Variants in DLG2 observed in about 807,000 individuals in gnomAD.
DLG2 encodes the protein discs large MAGUK scaffold protein 2.
In DLG2, 45 loss-of-function variants were observed where a neutral mutation model predicts 132.5. That is an observed-to-expected ratio of 0.34 (90% CI 0.27 to 0.44). The LOEUF is 0.44. Ranked by LOEUF, DLG2 falls within the 20% of genes least tolerant of loss-of-function variation. The pLI is 1.00. For synonymous variants in DLG2, 424 were observed against 419.6 expected, an observed-to-expected ratio of 1.01 and a Z score of -0.13; for missense variants, 1,045 against 1,196.9, an observed-to-expected ratio of 0.87 and a Z score of 1.87.
At chr11:83,721,255 C>G (rs761212708) in intron 18 of DLG2, among the ~76,000 whole-genome samples, 38 of 152,142 alleles carry the variant, frequency 2.5e-4, no homozygotes, top group Admixed American at 4.6e-4. Flanking sequence ...TTTAACAGAC[C>G]CTTACTATTG....
Position 84,385,847 on chromosome 11 carries a change from G to C in DLG2, c.520-134556C>G, listed in dbSNP as rs1422504813. Among the ~76,000 whole-genome samples, 3 of 152,062 alleles carry C rather than the reference G, an allele frequency of 2.0e-5. 1 individual carries two copies. Among genetic ancestry groups the C allele is most frequent in the East Asian group, 1.9e-4 (1 of 5,194 alleles). On this transcript the variant is annotated intron_variant, in intron 7 of 27. Transcript: ENST00000376104. ...GAGACCTGTATGCACGCATAATTTTGTGTTTCCTATTTAGAAGGGAAATTG... is the reference window on the plus strand; with the variant it reads ...GAGACCTGTATGCACGCATAATTTTCTGTTTCCTATTTAGAAGGGAAATTG...
chr11:84,600,793 C>T (rs117291908), intron 6 of DLG2, among the ~76,000 whole-genome samples: 18 of 151,684 alleles, frequency 1.2e-4, no homozygotes, highest in East Asian at 1.9e-4. Context: ...AAGAAATCTG[C>T]GAAATGAAAC....
chr11:83,831,020 T>C (rs955915441), intron 17 of DLG2, among the ~76,000 whole-genome samples: 1 of 152,240 alleles, frequency 6.6e-6, no homozygotes, highest in African/African-American at 2.4e-5. Flanking sequence ...CTTCAGGCTA[T>C]AGTGACTTCT....
At chr11:84,694,148 T>C (rs1211610722) in intron 6 of DLG2, among the ~76,000 whole-genome samples, 1 of 151,546 alleles carries the variant, frequency 6.6e-6, no homozygotes, top group Non-Finnish European at 1.5e-5. Flanking sequence ...GGAAGAAAAT[T>C]AGCAGGTGGA....
chr11:83,710,088 G>A (rs1446649680), intron 18 of DLG2, among the ~76,000 whole-genome samples: 2 of 152,016 alleles, frequency 1.3e-5, no homozygotes, highest in African/African-American at 4.8e-5. Context: ...AATATGAGGT[G>A]GGTACACTGT....
intron 15 of DLG2, among the ~76,000 whole-genome samples, chr11:83,925,597 C>A (rs1239655132): frequency 6.6e-6 from 1 of 151,798 alleles, no homozygotes; most frequent in Non-Finnish European, 1.5e-5. Flanking sequence ...TAGTTGAAGT[C>A]CCATGAATAT....
intron 6 of DLG2, among the ~76,000 whole-genome samples, chr11:84,665,180 GTA>G: frequency 6.6e-6 from 1 of 152,198 alleles, no homozygotes; most frequent in East Asian, 1.9e-4. Context: ...GAAATTTTAA[GTA>G]TGTTTGTTAT....
chr11:83,929,234 A>G (rs750477689), intron 15 of DLG2, among the ~76,000 whole-genome samples: 1 of 152,236 alleles, frequency 6.6e-6, no homozygotes, highest in Non-Finnish European at 1.5e-5. Context: ...ATCAAAAAAT[A>G]AAGATGATAT....
chr11:83,826,417 A>G (rs772597681), intron 17 of DLG2, among the ~76,000 whole-genome samples: 42 of 152,190 alleles, frequency 2.8e-4, no homozygotes, highest in Non-Finnish European at 4.6e-4. Flanking sequence ...GCTGTGCAGG[A>G]AGAAAGATCC....
intron 4 of DLG2, among the ~76,000 whole-genome samples, chr11:85,164,486 C>T (rs2078279567): frequency 6.6e-6 from 1 of 152,132 alleles, no homozygotes; most frequent in African/African-American, 2.4e-5. Flanking sequence ...TCCACCGTTA[C>T]TTCATCCCCT....
chr11:84,363,584 C>A (rs1022797455), intron 7 of DLG2, among the ~76,000 whole-genome samples: 35 of 151,394 alleles, frequency 2.3e-4, no homozygotes, highest in African/African-American at 8.0e-4. Flanking sequence ...AAGTCCTTGC[C>A]CATGCCTATG....
intron 8 of DLG2, among the ~76,000 whole-genome samples, chr11:84,206,220 G>A (rs763340656): frequency 7.2e-5 from 11 of 151,972 alleles, no homozygotes; most frequent in Admixed American, 5.9e-4. Flanking sequence ...GTCCTGAATC[G>A]TCCTGCATCT....
chr11:85,171,037 A>G (rs2078827973), intron 4 of DLG2, among the ~76,000 whole-genome samples: 1 of 152,238 alleles, frequency 6.6e-6, no homozygotes, highest in African/African-American at 2.4e-5. Context: ...ACCAACCGGA[A>G]GACACCATAG....
intron 15 of DLG2, among the ~76,000 whole-genome samples, chr11:83,896,769 G>T (rs936281973): frequency 4.6e-5 from 7 of 152,164 alleles, no homozygotes; most frequent in African/African-American, 1.7e-4. Context: ...TATGGTGATG[G>T]ATGTAACACT....
At chr11:85,266,469 G>A (rs2077218725) in intron 4 of DLG2, among the ~76,000 whole-genome samples, 1 of 152,152 alleles carries the variant, frequency 6.6e-6, no homozygotes, top group Non-Finnish European at 1.5e-5. Flanking sequence ...GGGGATGGGG[G>A]ACTAGGGGAG....
intron 18 of DLG2, among the ~76,000 whole-genome samples, chr11:83,706,047 T>C (rs1379374835): frequency 6.6e-6 from 1 of 151,992 alleles, no homozygotes; most frequent in Non-Finnish European, 1.5e-5. Flanking sequence ...TGAAACCCCG[T>C]CTCTACTAAA....
chr11:83,531,850 C>T (rs2095753764), intron 21 of DLG2, among the ~76,000 whole-genome samples: 1 of 149,172 alleles, frequency 6.7e-6, no homozygotes, highest in South Asian at 2.1e-4. Context: ...TTCTACAACA[C>T]AAACACGTCT....
intron 6 of DLG2, among the ~76,000 whole-genome samples, chr11:84,806,356 A>G (rs1008909220): frequency 6.6e-6 from 1 of 152,206 alleles, no homozygotes; most frequent in Non-Finnish European, 1.5e-5. Context: ...GGATAAATGG[A>G]AAGAAATCTG....
chr11:85,520,954 G>A lies in DLG2; in HGVS notation c.40+77703C>T, dbSNP rs552505379. Among the ~76,000 whole-genome samples the A allele has an allele frequency of 5.9e-5, 9 of 152,136 alleles. No individual in the cohort carries two copies. The South Asian group carries it at 1.2e-3, about 21-fold the overall frequency. Reference sequence around the variant, plus strand: ...GAAACTCTCCAGGACATTTCTCTGGGCAAAGATTTCTTGAGTAGTACCCTA... The same window carrying A: ...GAAACTCTCCAGGACATTTCTCTGGACAAAGATTTCTTGAGTAGTACCCTA... On this transcript the variant is annotated intron_variant, in intron 3 of 27. Coordinates refer to ENST00000376104, the MANE Select transcript of DLG2 (RefSeq NM_001142699.3).
Sources: allele counts gnomAD v4.1 joint callset (sites outside exome capture counted in the v4.1 genomes callset), GRCh38; gene constraint gnomAD v4.1.1; transcripts MANE v1.5; gene names NCBI Gene and HGNC (gene_info 2026-07-23, HGNC 2026-07-21).